ZNF525: variants seen among roughly 807,000 people sequenced by gnomAD.
ZNF525 encodes zinc finger protein 525.
Under a neutral mutation model 37.6 loss-of-function variants are expected in ZNF525, and 33 were observed. The ratio of observed to expected loss-of-function variants is 0.88; its 90% CI spans 0.67 to 1.17. The LOEUF is 1.17. ZNF525 is among the 50% of genes most tolerant of loss of function. The pLI is 0.00. For synonymous variants in ZNF525, 170 were observed against 182.3 expected, an observed-to-expected ratio of 0.93 and a Z score of 0.54; for missense variants, 449 against 543.1, an observed-to-expected ratio of 0.83 and a Z score of 1.72.
chr19:53,366,936 CAG>C (rs1568752550), intron 1 of ZNF525, among the ~76,000 whole-genome samples: 1 of 143,576 alleles, frequency 7.0e-6, no homozygotes, highest in Non-Finnish European at 1.5e-5. Context: ...AGCGGCTCAG[CAG>C]ATTTACATCT....
At chr19:53,371,198 C>CTTTTTTT (rs1243106422) in intron 1 of ZNF525, among the ~76,000 whole-genome samples, 1 of 123,598 alleles carries the variant, frequency 8.1e-6, no homozygotes, top group Non-Finnish European at 1.7e-5. Flanking sequence ...ATCAGAAACG[C>CTTTTTTT]TTTTTTTTTT....
chr19:53,367,203 T>G (rs1329734667), intron 1 of ZNF525, among the ~76,000 whole-genome samples: 1 of 152,190 alleles, frequency 6.6e-6, no homozygotes, highest in Non-Finnish European at 1.5e-5. Context: ...CTTCAACTTC[T>G]CAAACAGCGT....
At chr19:53,366,648 GC>G (rs1483887247) in intron 1 of ZNF525, among the ~76,000 whole-genome samples, 2 of 151,830 alleles carry the variant, frequency 1.3e-5, no homozygotes, top group African/African-American at 4.9e-5. Flanking sequence ...GAGAGGGACA[GC>G]AAAGAGGGAG....
intron 3 of ZNF525, among the ~76,000 whole-genome samples, chr19:53,377,028 A>G (rs1433267252): frequency 6.6e-6 from 1 of 152,160 alleles, no homozygotes; most frequent in African/African-American, 2.4e-5. Context: ...AACTTTATTT[A>G]TGTCGGAATT....
chr19:53,377,703 T>G (rs1170884534), intron 3 of ZNF525, among the ~76,000 whole-genome samples: 1 of 151,984 alleles, frequency 6.6e-6, no homozygotes, highest in Non-Finnish European at 1.5e-5. Flanking sequence ...TACAGGCATG[T>G]GCCACCACAC....
At position 53,381,193 on chromosome 19, in the gene ZNF525, G is replaced by T. The variant is rs545211475; in HGVS notation, c.614G>T (p.Arg205Ile). The T allele has an allele frequency of 1.2e-4, 159 of 1,351,006 alleles. 1 individual carries two copies. In the Middle Eastern group the frequency reaches 2.0e-3, roughly 17 times the overall value. 83.7% of individuals were successfully genotyped at this position (1,351,006 alleles called of 1,614,324 possible). A position where few individuals can be genotyped will look rare whatever the true frequency, so the allele number is the denominator to read the frequency against. ...NFLNYSLLTQ[R>I]QEVRMREKSF... The stretch of plus-strand genomic sequence containing the variant: ...CTGAATTATTCATTACTCACACAAA[G>T]ACAGGAAGTACGCATGAGAGAAAAA... The change falls in exon 4 of 4, where the codon AGA (arginine) becomes ATA (isoleucine). Residue 205 changes from arginine (R) to isoleucine (I), a missense_variant. Physicochemically the swap from Arg to Ile is moderately conservative, Grantham distance 97. This residue lies in a region of ZNF525 where 271 missense variants were observed against 381.6 expected (regional missense o/e 0.71). Transcript: ENST00000474037.
rs1429079053 is a variant in ZNF525 at position 53,386,489 on chromosome 19, C to A, written c.*4470C>A. ...TGTCACCACTATCTGGACAGTTGGA[C>A]ATGTTTTATTGGGAATATGTTTTTT... On this transcript the variant is annotated 3_prime_UTR_variant, in exon 4 of 4. Transcript: ENST00000474037. The A allele has an allele frequency of 3.2e-6, 2 of 620,434 alleles. No homozygotes were observed. The highest frequency in any genetic ancestry group is 1.9e-5 in the African/African-American group (1 of 53,736). The allele number at this position is 620,434 out of a possible 1,614,324, so 38.4% of individuals were successfully genotyped here. A position where few individuals can be genotyped will look rare whatever the true frequency, so the allele number is the denominator to read the frequency against.
chr19:53,367,562 G>A (rs2085457240), intron 1 of ZNF525, among the ~76,000 whole-genome samples: 1 of 152,094 alleles, frequency 6.6e-6, no homozygotes, highest in East Asian at 1.9e-4. Flanking sequence ...CCAATTCTTA[G>A]TATTTCTAGA....
chr19:53,368,750 G>A (rs565696512), intron 1 of ZNF525, among the ~76,000 whole-genome samples: 1 of 152,254 alleles, frequency 6.6e-6, no homozygotes, highest in South Asian at 2.1e-4. Flanking sequence ...TAACATATAG[G>A]TAGGTTGCTG....
intron 1 of ZNF525, among the ~76,000 whole-genome samples, chr19:53,368,938 G>A (rs971447567): frequency 1.3e-5 from 2 of 152,136 alleles, no homozygotes. Context: ...ATGCAATACT[G>A]AGAATCTTTT....
chr19:53,375,249 CTCTGTCTCA>C, intron 2 of ZNF525, among the ~76,000 whole-genome samples: 1 of 152,226 alleles, frequency 6.6e-6, no homozygotes, highest in South Asian at 2.1e-4. Flanking sequence ...ATCACTCATA[CTCTGTCTCA>C]TCTAGATACT....
At chr19:53,375,372 G>A (rs977244735) in intron 2 of ZNF525, among the ~76,000 whole-genome samples, 3 of 152,150 alleles carry the variant, frequency 2.0e-5, no homozygotes, top group Non-Finnish European at 4.4e-5. Context: ...AGATCACGAG[G>A]TCAGGAGTCT....
rs2085606152 is a variant in ZNF525, at chr19:53,386,239, T to C, written c.*4220T>C. On this transcript the variant is annotated 3_prime_UTR_variant, in exon 4 of 4. Coordinates refer to ENST00000474037, the MANE Select transcript of ZNF525 (RefSeq NM_001348156.2). ...CTTGACTCTGCTTCTTGCCACATCTTCTCAGAAGACTTTCAGGATTAAGCG... is the reference window on the plus strand; with the variant it reads ...CTTGACTCTGCTTCTTGCCACATCTCCTCAGAAGACTTTCAGGATTAAGCG... The C allele has an allele frequency of 1.5e-6, 1 of 655,540 alleles. No homozygotes were observed. Among genetic ancestry groups the C allele is most frequent in the Non-Finnish European group, 2.9e-6 (1 of 347,200 alleles). The allele number at this position is 655,540 out of a possible 1,614,324, so 40.6% of individuals were successfully genotyped here. A position where few individuals can be genotyped will look rare whatever the true frequency, so the allele number is the denominator to read the frequency against.
Position 53,372,234 on chromosome 19 carries a change from T to C in ZNF525, c.-48T>C. 2 of 730,092 alleles carry C rather than the reference T, an allele frequency of 2.7e-6. No individual in the cohort carries two copies. Among genetic ancestry groups the C allele is most frequent in the South Asian group, 3.0e-5 (2 of 66,430 alleles). The allele number at this position is 730,092 out of a possible 1,614,324, so 45.2% of individuals were successfully genotyped here. A position where few individuals can be genotyped will look rare whatever the true frequency, so the allele number is the denominator to read the frequency against. On this transcript the variant is annotated 5_prime_UTR_variant, in exon 2 of 4. Coordinates refer to ENST00000474037, the MANE Select transcript of ZNF525 (RefSeq NM_001348156.2). ...ACTCAGGATTGACATCTAAAGACTC[T>C]TGGTACATGAGGAAGAAACCCGGAA...
intron 1 of ZNF525, among the ~76,000 whole-genome samples, chr19:53,371,198 C>CT (rs1243106422): frequency 0.39 from 47,852 of 123,540 alleles, 11,192 homozygotes; most frequent in Non-Finnish European, 0.51. Context: ...ATCAGAAACG[C>CT]TTTTTTTTTT....
chr19:53,367,917 T>G (rs1312638153), intron 1 of ZNF525, among the ~76,000 whole-genome samples: 2 of 152,176 alleles, frequency 1.3e-5, no homozygotes, highest in Non-Finnish European at 2.9e-5. Flanking sequence ...TAAATCGGGG[T>G]GCGATACCTT....
In ZNF525 at chr19:53,382,130, T is replaced by C. The variant is rs149940966; in HGVS notation, c.*111T>C. On this transcript the variant is annotated 3_prime_UTR_variant, in exon 4 of 4. Coordinates refer to ENST00000474037, the MANE Select transcript of ZNF525 (RefSeq NM_001348156.2). Reference sequence around the variant, plus strand: ...CCATTGTATACCATCATAAATTTCATAGTGGAGAGAAACCTTACAAATGTG... The same window carrying C: ...CCATTGTATACCATCATAAATTTCACAGTGGAGAGAAACCTTACAAATGTG... 1,781 of 1,580,860 alleles carry C rather than the reference T, an allele frequency of 1.1e-3. 7 individuals carry two copies. The highest frequency in any genetic ancestry group is 1.2e-3 in the Non-Finnish European group (1,365 of 1,153,758).
Position 53,386,000 on chromosome 19 carries a change from A to G in ZNF525, c.*3981A>G. The G allele has an allele frequency of 4.4e-6, 1 of 229,844 alleles. No individual in the cohort carries two copies. The allele number at this position is 229,844 out of a possible 1,614,324, so 14.2% of individuals were successfully genotyped here. A position where few individuals can be genotyped will look rare whatever the true frequency, so the allele number is the denominator to read the frequency against. On this transcript the variant is annotated 3_prime_UTR_variant, in exon 4 of 4. Transcript: ENST00000474037. ...GTGAAACACCATCTCTAGTAAAAAT[A>G]CAAAAATTAGCTCAGCATGGTGGCA...
chr19:53,368,454 G>T (rs2085463180), intron 1 of ZNF525, among the ~76,000 whole-genome samples: 1 of 152,160 alleles, frequency 6.6e-6, no homozygotes, highest in Admixed American at 6.6e-5. Context: ...TAAGAGCTAG[G>T]GGCTTGAAAC....
Sources: allele counts gnomAD v4.1 joint callset (sites outside exome capture counted in the v4.1 genomes callset), GRCh38; gene constraint gnomAD v4.1.1; regional missense constraint gnomAD v4.1.1; transcripts MANE v1.5; gene names NCBI Gene and HGNC (gene_info 2026-07-23, HGNC 2026-07-21).